Variants in KCNH7 observed in about 807,000 individuals in gnomAD.
KCNH7 encodes potassium voltage-gated channel subfamily H member 7.
KCNH7 carries 49 observed loss-of-function variants against 120.8 expected under a neutral mutation model. The ratio of observed to expected loss-of-function variants is 0.41; its 90% CI spans 0.32 to 0.51. The LOEUF is 0.51. Among genes scored for constraint, KCNH7 ranks in the 20% least tolerant of loss-of-function variants. KCNH7 has a pLI of 0.38. For missense variants in KCNH7, 1,097 were observed against 1,446.6 expected (o/e 0.76, Z 3.92); for synonymous variants, 547 against 516.1 (o/e 1.06, Z -0.81).
rs1348305198 is a variant in KCNH7 at position 162,783,129 on chromosome 2, G to A, written c.307+53408C>T. Among the ~76,000 whole-genome samples, 4 of 152,288 alleles carry A rather than the reference G, an allele frequency of 2.6e-5. No individual in the cohort carries two copies. In the East Asian group the frequency reaches 7.7e-4, roughly 29 times the overall value. On this transcript the variant is annotated intron_variant, in intron 2 of 15. Coordinates refer to ENST00000332142, the MANE Select transcript of KCNH7 (RefSeq NM_033272.4). ...CCACAAAGGTAATAACATATCAGAA[G>A]CAACAGTTTCCTACAGACATCTCTA...
At chr2:162,531,093 T>C (rs769539983) in intron 3 of KCNH7, among the ~76,000 whole-genome samples, 7 of 151,964 alleles carry the variant, frequency 4.6e-5, no homozygotes, top group South Asian at 2.1e-4. Context: ...CGCTTCCCTG[T>C]ATGAGTGACA....
At chr2:162,460,654 C>A (rs1475426251) in intron 6 of KCNH7, among the ~76,000 whole-genome samples, 1 of 152,166 alleles carries the variant, frequency 6.6e-6, no homozygotes, top group Admixed American at 6.6e-5. Flanking sequence ...TCCCCTAGAA[C>A]CTTCAGAGAG....
intron 2 of KCNH7, among the ~76,000 whole-genome samples, chr2:162,598,113 AAAAATTTCTCTCATTTT>A (rs1265019800): frequency 6.6e-6 from 1 of 152,046 alleles, no homozygotes; most frequent in Admixed American, 6.6e-5. Context: ...ACAGAGATAG[AAAAATTTCTCTCATTTT>A]AAAGGAGAAG....
At chr2:162,382,743 A>T (rs898695849) in intron 13 of KCNH7, among the ~76,000 whole-genome samples, 6 of 152,010 alleles carry the variant, frequency 3.9e-5, no homozygotes, top group African/African-American at 1.2e-4. Context: ...GCAACAAGTC[A>T]CACATTGCAT....
chr2:162,380,357 T>G (rs974278765), intron 13 of KCNH7, among the ~76,000 whole-genome samples: 2 of 152,172 alleles, frequency 1.3e-5, no homozygotes, highest in Non-Finnish European at 1.5e-5. Flanking sequence ...TGTGCTTTTA[T>G]ATCTAGAAGG....
intron 2 of KCNH7, among the ~76,000 whole-genome samples, chr2:162,754,488 C>T (rs1313257956): frequency 6.6e-6 from 1 of 152,040 alleles, no homozygotes; most frequent in Non-Finnish European, 1.5e-5. Context: ...GTGCAGTTTT[C>T]AACAGGAAGA....
In KCNH7 at chr2:162,474,693, C is replaced by T. The variant is rs191324499; in HGVS notation, c.1129-28250G>A. ...TCTTAGGCTGTTGCTCTGGAGGAAA[C>T]CAGCTGCCATGGTTGCTCTGGAGGA... On this transcript the variant is annotated intron_variant, in intron 6 of 15. Transcript: ENST00000332142. Among the ~76,000 whole-genome samples the T allele has an allele frequency of 2.0e-5, 3 of 152,346 alleles. No individual in the cohort carries two copies. The East Asian group carries it at 5.8e-4, about 29-fold the overall frequency.
chr2:162,777,650 C>T (rs995044846), intron 2 of KCNH7, among the ~76,000 whole-genome samples: 1 of 152,080 alleles, frequency 6.6e-6, no homozygotes. Context: ...CTCCTAACAA[C>T]CTTGTGAGGT....
chr2:162,689,325 T>G (rs1686019861), intron 2 of KCNH7, among the ~76,000 whole-genome samples: 1 of 152,048 alleles, frequency 6.6e-6, no homozygotes, highest in Non-Finnish European at 1.5e-5. Flanking sequence ...TGATTTTTTG[T>G]ATTTTTAGTA....
intron 2 of KCNH7, among the ~76,000 whole-genome samples, chr2:162,798,639 T>A (rs1489157553): frequency 6.6e-6 from 1 of 152,078 alleles, no homozygotes; most frequent in Non-Finnish European, 1.5e-5. Context: ...ATGTTTGTGT[T>A]TGATTCTGTC....
intron 2 of KCNH7, among the ~76,000 whole-genome samples, chr2:162,649,597 G>A (rs1403254465): frequency 6.6e-6 from 1 of 151,960 alleles, no homozygotes; most frequent in Non-Finnish European, 1.5e-5. Flanking sequence ...GACAATGGCA[G>A]AACCTGAGAA....
At chr2:162,484,265 A>G (rs972882338) in intron 6 of KCNH7, among the ~76,000 whole-genome samples, 4 of 151,936 alleles carry the variant, frequency 2.6e-5, no homozygotes, top group African/African-American at 9.7e-5. Context: ...ACACACACAC[A>G]CAGTCTTAAG....
intron 2 of KCNH7, among the ~76,000 whole-genome samples, chr2:162,791,083 C>A (rs902828086): frequency 6.6e-6 from 1 of 152,054 alleles, no homozygotes; most frequent in Non-Finnish European, 1.5e-5. Context: ...AAAGACTATA[C>A]CAACAAATCT....
intron 2 of KCNH7, among the ~76,000 whole-genome samples, chr2:162,679,775 T>C (rs763670643): frequency 1.6e-4 from 24 of 151,856 alleles, no homozygotes; most frequent in Admixed American, 1.4e-3. Context: ...AATTAATGTA[T>C]TATGCTTAAT....
chr2:162,619,689 G>A (rs994650557), intron 2 of KCNH7, among the ~76,000 whole-genome samples: 4 of 152,090 alleles, frequency 2.6e-5, no homozygotes, highest in African/African-American at 9.6e-5. Context: ...GTTCTCTTAA[G>A]TGTTTGCTGA....
Position 162,469,943 on chromosome 2 carries a change from G to A in KCNH7, c.1129-23500C>T, listed in dbSNP as rs933557014. ...GGGCTGGTCTCCAGCTCCTGACCGC[G>A]AGTGATCCGCCAGCCTCGGCCTCCC... On this transcript the variant is annotated intron_variant, in intron 6 of 15. Coordinates refer to ENST00000332142, the MANE Select transcript of KCNH7 (RefSeq NM_033272.4). Among the ~76,000 whole-genome samples, 8 of 152,236 alleles carry A rather than the reference G, an allele frequency of 5.3e-5. 1 individual carries two copies. The highest frequency in any genetic ancestry group is 4.1e-4 in the South Asian group (2 of 4,832).
intron 6 of KCNH7, among the ~76,000 whole-genome samples, chr2:162,467,066 G>A (rs556863057): frequency 1.3e-5 from 2 of 152,238 alleles, no homozygotes; most frequent in South Asian, 4.1e-4. Context: ...GGGAGGCTTT[G>A]TTCTGGGAAT....
At chr2:162,461,983 T>G (rs1689160904) in intron 6 of KCNH7, among the ~76,000 whole-genome samples, 1 of 152,144 alleles carries the variant, frequency 6.6e-6, no homozygotes, top group African/African-American at 2.4e-5. Context: ...GGAGTCTCTG[T>G]CAGTTTTAAA....
At chr2:162,479,936 C>T (rs1011972798) in intron 6 of KCNH7, among the ~76,000 whole-genome samples, 1 of 152,040 alleles carries the variant, frequency 6.6e-6, no homozygotes, top group Admixed American at 6.6e-5. Context: ...TACTTCATGA[C>T]AATGTCATCT....
Sources: gnomAD v4.1 joint callset for allele counts (sites outside exome capture counted in the v4.1 genomes callset) on GRCh38, gnomAD v4.1.1 for gene constraint, MANE v1.5 for transcripts, NCBI Gene and HGNC (gene_info 2026-07-23, HGNC 2026-07-21) for gene names.